DPY30: variants seen among roughly 807,000 people sequenced by gnomAD.
DPY30 encodes protein dpy-30 homolog.
Under a neutral mutation model 16.2 loss-of-function variants are expected in DPY30, and 6 were observed. The observed-to-expected ratio is 0.37, with a 90% CI of 0.20 to 0.73. The LOEUF (loss-of-function observed/expected upper bound fraction) is 0.73, where lower values mean the gene tolerates loss of function less well. Ranked by LOEUF, DPY30 falls within the 30% of genes least tolerant of loss-of-function variation. DPY30 has a pLI of 0.51. For synonymous variants in DPY30, 39 were observed against 38.8 expected (o/e 1.00, Z -0.02); for missense variants, 73 against 113.1 (o/e 0.65, Z 1.61).
In DPY30 at chr2:32,039,495, T is replaced by C. The variant is rs779348195; in HGVS notation, c.-36-3A>G. On this transcript the variant is annotated splice_polypyrimidine_tract_variant and splice_region_variant and intron_variant, in intron 1 of 4. Transcript: ENST00000342166. ...AGTCACAGTCCCCGGATACCAGTCT[T>C]GGAAAACAAGAAGAGCCGCGAGTTA... 5 of 1,613,686 alleles carry C rather than the reference T, an allele frequency of 3.1e-6. No homozygotes were observed. Among genetic ancestry groups the C allele is most frequent in the Non-Finnish European group, 4.2e-6 (5 of 1,179,986 alleles).
At chr2:32,029,316 G>C in intron 4 of DPY30, among the ~76,000 whole-genome samples, 1 of 152,038 alleles carries the variant, frequency 6.6e-6, no homozygotes, top group Admixed American at 6.6e-5. Flanking sequence ...AGACTGTGGA[G>C]AGATACAGAA....
chr2:32,038,749 G>C (rs1329531274), intron 3 of DPY30, among the ~76,000 whole-genome samples: 2 of 141,534 alleles, frequency 1.4e-5, no homozygotes, highest in African/African-American at 2.7e-5. Flanking sequence ...CCAGATTCAA[G>C]AGATTCTCTG....
chr2:32,012,412 C>CTTTTTTTTTTTTTTTTTTTTTTTTT, intron 5 of DPY30, among the ~76,000 whole-genome samples: 1 of 121,580 alleles, frequency 8.2e-6, no homozygotes, highest in Non-Finnish European at 1.8e-5. Context: ...AAACCTCTCT[C>CTTTTTTTTTTTTTTTTTTTTTTTTT]TTTTTTCTTT....
At chr2:32,039,185 C>T in intron 3 of DPY30, 94 bp downstream of exon 3, 1 of 1,494,338 alleles carries the variant, frequency 6.7e-7, no homozygotes, top group South Asian at 1.1e-5. Context: ...ACAAAGTTTT[C>T]CCTTGTGCAT....
chr2:32,021,319 T>G (rs1675175586), downstream of DPY30, among the ~76,000 whole-genome samples: 1 of 151,912 alleles, frequency 6.6e-6, no homozygotes, highest in Non-Finnish European at 1.5e-5. Flanking sequence ...GTATTGAATA[T>G]TTATACTTCC....
intron 3 of DPY30, among the ~76,000 whole-genome samples, chr2:32,037,529 C>T (rs1675790815): frequency 6.6e-6 from 1 of 151,732 alleles, no homozygotes. Context: ...CTCCTGAGCT[C>T]AAGCGATTTA....
chr2:32,012,807 A>G (rs1016868278), intron 5 of DPY30, among the ~76,000 whole-genome samples: 1 of 152,182 alleles, frequency 6.6e-6, no homozygotes, highest in Non-Finnish European at 1.5e-5. Context: ...TTCTGACAGT[A>G]CCAAAACTCA....
rs572189052 is a variant in DPY30, at chr2:32,026,026, G to A, written c.228-1770C>T. 3.3e-5 allele frequency among the ~76,000 whole-genome samples: 5 copies of A among 152,088 alleles called. No homozygotes were observed. In the South Asian group the frequency reaches 8.3e-4, roughly 25 times the overall value. ...AGGAGGTTAGGTGGAAAAATCACTTGAGCCTGGGAGTTCGAGGCTTCAGTA... is the reference window on the plus strand; with the variant it reads ...AGGAGGTTAGGTGGAAAAATCACTTAAGCCTGGGAGTTCGAGGCTTCAGTA... On this transcript the variant is annotated intron_variant, in intron 4 of 4. Transcript: ENST00000342166.
intron 5 of DPY30, among the ~76,000 whole-genome samples, chr2:32,014,256 G>A (rs560178560): frequency 1.8e-4 from 28 of 152,272 alleles, no homozygotes; most frequent in African/African-American, 6.0e-4. Flanking sequence ...GCTGAGGCAG[G>A]AGGATCACTT....
At position 32,026,905 on chromosome 2, in the gene DPY30, A is replaced by AT. The variant is rs1404208996; in HGVS notation, c.228-2650dup. 6.0e-5 allele frequency among the ~76,000 whole-genome samples: 9 copies of AT among 150,644 alleles called. 2 individuals carry two copies. The highest frequency in any genetic ancestry group is 5.3e-4 in the Admixed American group (8 of 15,048). On this transcript the variant is annotated intron_variant, in intron 4 of 4. Transcript: ENST00000342166. ...ACAAAAAAATAGAAAAGATATCCAT[A>AT]TTTTTTTCCTTTTTTCCCTTTTTTT...
chr2:32,025,412 G>A (rs1484952722), intron 4 of DPY30, among the ~76,000 whole-genome samples: 5 of 151,756 alleles, frequency 3.3e-5, no homozygotes, highest in South Asian at 2.1e-4. Context: ...GCAGTGAGCC[G>A]AGATCATGCC....
intron 5 of DPY30, among the ~76,000 whole-genome samples, chr2:32,015,981 C>T (rs1675057833): frequency 6.6e-6 from 1 of 152,106 alleles, no homozygotes; most frequent in African/African-American, 2.4e-5. Context: ...CCTCCACCGC[C>T]TCTAGGGATC....
At chr2:32,035,107 T>TA (rs770273592) in intron 3 of DPY30, among the ~76,000 whole-genome samples, 195 of 135,416 alleles carry the variant, frequency 1.4e-3, no homozygotes, top group South Asian at 3.6e-3. Flanking sequence ...AGACTCCATT[T>TA]AAAAAAAAAA....
chr2:32,035,058 G>C (rs1490741567), intron 3 of DPY30, among the ~76,000 whole-genome samples: 1 of 151,046 alleles, frequency 6.6e-6, no homozygotes, highest in Non-Finnish European at 1.5e-5. Context: ...GCAGTGAGCC[G>C]AGAGCACGCC....
chr2:32,039,528 G>A lies in DPY30; in HGVS notation c.-36-36C>T. On this transcript the variant is annotated intron_variant, in intron 1 of 4. Coordinates refer to ENST00000342166, the MANE Select transcript of DPY30 (RefSeq NM_001321209.2). The stretch of plus-strand genomic sequence containing the variant: ...AAGAAGAGCCGCGAGTTACCTGGGA[G>A]ATTTCAACACGAAGACTCCAGGATG... The A allele has an allele frequency of 3.1e-6, 5 of 1,606,584 alleles. 1 individual carries two copies. Among genetic ancestry groups the A allele is most frequent in the South Asian group, 2.2e-5 (2 of 90,866 alleles).
intron 3 of DPY30, among the ~76,000 whole-genome samples, chr2:32,038,241 T>C (rs1447745353): frequency 6.7e-6 from 1 of 148,786 alleles, no homozygotes; most frequent in Non-Finnish European, 1.5e-5. Context: ...GTTCAAGCGA[T>C]TCGCGATTCT....
chr2:32,024,449 G>A (rs1687345711), intron 4 of DPY30, among the ~76,000 whole-genome samples, 193 bp from the exon 5 acceptor site: 1 of 152,166 alleles, frequency 6.6e-6, no homozygotes, highest in Non-Finnish European at 1.5e-5. Context: ...TAATGAGACT[G>A]AAATTTTTGT....
At chr2:32,030,064 C>CA (rs398042393) in intron 3 of DPY30, among the ~76,000 whole-genome samples, 2,744 of 102,624 alleles carry the variant, frequency 0.027, 43 homozygotes, top group African/African-American at 0.059. Flanking sequence ...AGTGTGTTCC[C>CA]AAAAAAAAAA....
chr2:32,028,652 C>T (rs1396973685), intron 4 of DPY30, among the ~76,000 whole-genome samples: 3 of 151,894 alleles, frequency 2.0e-5, no homozygotes, highest in African/African-American at 7.3e-5. Flanking sequence ...AATACAAAAA[C>T]TAGCCGGGCA....
Sources: allele counts gnomAD v4.1 joint callset (sites outside exome capture counted in the v4.1 genomes callset), GRCh38; gene constraint gnomAD v4.1.1; transcripts MANE v1.5; gene names NCBI Gene and HGNC (gene_info 2026-07-23, HGNC 2026-07-21).